DLG2: variants seen among roughly 807,000 people sequenced by gnomAD.
DLG2 encodes the protein discs large MAGUK scaffold protein 2, also known as disks large homolog 2.
DLG2 carries 45 observed loss-of-function variants against 132.5 expected under a neutral mutation model. The ratio of observed to expected loss-of-function variants is 0.34; its 90% CI spans 0.27 to 0.44. DLG2 has a LOEUF of 0.44. Among genes scored for constraint, DLG2 ranks in the 20% least tolerant of loss-of-function variants. DLG2 has a pLI of 1.00. For missense variants in DLG2, 1,045 were observed against 1,196.9 expected (o/e 0.87, Z 1.87); for synonymous variants, 424 against 419.6 (o/e 1.01, Z -0.13).
chr11:83,834,019 C>A (rs931525470), intron 16 of DLG2, among the ~76,000 whole-genome samples: 1 of 152,144 alleles, frequency 6.6e-6, no homozygotes, highest in Non-Finnish European at 1.5e-5. Flanking sequence ...CTTAAACTAC[C>A]TTTACTTCTA....
At chr11:84,229,607 G>A (rs1027790522) in intron 8 of DLG2, among the ~76,000 whole-genome samples, 4 of 152,150 alleles carry the variant, frequency 2.6e-5, no homozygotes, top group African/African-American at 9.7e-5. Flanking sequence ...TTGGGCCTCA[G>A]ATCCTACATT....
intron 6 of DLG2, among the ~76,000 whole-genome samples, chr11:84,803,692 TAATC>T (rs2075682842): frequency 6.6e-6 from 1 of 152,198 alleles, no homozygotes; most frequent in Non-Finnish European, 1.5e-5. Context: ...AAGTTACGAG[TAATC>T]ATCAAAAGCA....
chr11:84,881,004 T>C (rs559002440), intron 6 of DLG2, among the ~76,000 whole-genome samples: 3 of 152,136 alleles, frequency 2.0e-5, no homozygotes, highest in Admixed American at 6.6e-5. Context: ...TCAGATATAA[T>C]TGTAAATAAT....
intron 6 of DLG2, among the ~76,000 whole-genome samples, chr11:84,964,210 T>C (rs762896443): frequency 5.9e-5 from 9 of 152,234 alleles, no homozygotes; most frequent in East Asian, 1.9e-4. Flanking sequence ...AGAAAAGTAT[T>C]TGATTGGAAA....
chr11:84,605,637 C>T (rs898755624), intron 6 of DLG2, among the ~76,000 whole-genome samples: 3 of 151,492 alleles, frequency 2.0e-5, no homozygotes, highest in Admixed American at 2.0e-4. Context: ...CAATTGCACC[C>T]ATTTATAAGG....
intron 17 of DLG2, among the ~76,000 whole-genome samples, chr11:83,829,951 G>C (rs941232770): frequency 1.3e-5 from 2 of 152,070 alleles, no homozygotes; most frequent in African/African-American, 4.8e-5. Flanking sequence ...CTGTGTCCAA[G>C]TGTTCTCATT....
intron 8 of DLG2, among the ~76,000 whole-genome samples, chr11:84,178,792 G>T (rs986816132): frequency 2.0e-5 from 3 of 151,876 alleles, no homozygotes; most frequent in Non-Finnish European, 4.4e-5. Context: ...GCTATATACT[G>T]CAGGGGAAAC....
At chr11:84,858,196 C>A (rs1177367579) in intron 6 of DLG2, among the ~76,000 whole-genome samples, 2 of 151,766 alleles carry the variant, frequency 1.3e-5, no homozygotes, top group Admixed American at 1.3e-4. Flanking sequence ...CCCAGCTAAC[C>A]TAAAAATGTT....
chr11:84,864,799 G>A (rs1566195009), intron 6 of DLG2, among the ~76,000 whole-genome samples: 1 of 152,116 alleles, frequency 6.6e-6, no homozygotes, highest in Admixed American at 6.6e-5. Flanking sequence ...AAGCTTTACG[G>A]AGGAAGAGAC....
intron 8 of DLG2, among the ~76,000 whole-genome samples, chr11:84,198,038 G>A (rs561864764): frequency 6.6e-6 from 1 of 152,140 alleles, no homozygotes; most frequent in South Asian, 2.1e-4. Flanking sequence ...AATGATCTAG[G>A]AAAGTCAGCC....
chr11:83,863,644 T>G (rs1304710383), intron 16 of DLG2, among the ~76,000 whole-genome samples: 1 of 150,448 alleles, frequency 6.6e-6, no homozygotes. Context: ...AGGCCATTTA[T>G]AGACTTAAAA....
intron 6 of DLG2, among the ~76,000 whole-genome samples, chr11:85,027,650 G>A (rs1489226467): frequency 1.3e-5 from 2 of 152,234 alleles, no homozygotes; most frequent in Non-Finnish European, 2.9e-5. Flanking sequence ...GACAGCTCCA[G>A]GCACCAGCAC....
intron 7 of DLG2, among the ~76,000 whole-genome samples, chr11:84,264,545 G>T (rs1011067796): frequency 9.2e-5 from 14 of 152,260 alleles, no homozygotes; most frequent in Non-Finnish European, 1.6e-4. Context: ...AAGGAGCACA[G>T]GGAGTAGGTT....
chr11:84,960,580 C>T (rs916349394), intron 6 of DLG2, among the ~76,000 whole-genome samples: 2 of 151,942 alleles, frequency 1.3e-5, no homozygotes, highest in Non-Finnish European at 2.9e-5. Flanking sequence ...GGACTACAGG[C>T]ACACACCACC....
chr11:85,473,097 T>C (rs959680660), intron 3 of DLG2, among the ~76,000 whole-genome samples: 21 of 152,340 alleles, frequency 1.4e-4, no homozygotes, highest in African/African-American at 5.1e-4. Flanking sequence ...ACGTCTGGTC[T>C]AGCTGCAGCC....
intron 6 of DLG2, among the ~76,000 whole-genome samples, chr11:84,987,006 G>C (rs1006592183): frequency 6.6e-6 from 1 of 152,136 alleles, no homozygotes; most frequent in Non-Finnish European, 1.5e-5. Flanking sequence ...TATTTACTTA[G>C]AAAACCTTAA....
intron 4 of DLG2, among the ~76,000 whole-genome samples, chr11:85,254,552 T>A (rs1465916191): frequency 6.6e-6 from 1 of 152,090 alleles, no homozygotes; most frequent in Non-Finnish European, 1.5e-5. Context: ...TAAGAAAAAA[T>A]TATAAAAGAA....
chr11:85,239,534 T>C (rs1016207382), intron 4 of DLG2, among the ~76,000 whole-genome samples: 5 of 152,052 alleles, frequency 3.3e-5, no homozygotes, highest in African/African-American at 1.2e-4. Context: ...TCTCAAATAA[T>C]TTTCTAATAC....
chr11:83,789,384 A>AGG (rs568803696), intron 17 of DLG2, among the ~76,000 whole-genome samples: 2 of 33,322 alleles, frequency 6.0e-5, no homozygotes, highest in African/African-American at 1.1e-4. Flanking sequence ...GCGGGGCGGG[A>AGG]GGGGGGGCAG....
Sources: allele counts gnomAD v4.1 joint callset (sites outside exome capture counted in the v4.1 genomes callset), GRCh38; gene constraint gnomAD v4.1.1; transcripts MANE v1.5; gene names NCBI Gene and HGNC (gene_info 2026-07-23, HGNC 2026-07-21).